GFM1: variants seen among roughly 807,000 people sequenced by gnomAD.
GFM1 encodes the protein G elongation factor mitochondrial 1.
In GFM1, 62 loss-of-function variants were observed where a neutral mutation model predicts 96.2. The observed-to-expected ratio is 0.64, with a 90% CI of 0.53 to 0.80. GFM1 has a LOEUF of 0.80. Ranked by LOEUF, GFM1 falls within the 30% of genes least tolerant of loss-of-function variation. GFM1 has a pLI of 0.00. For synonymous variants in GFM1, 282 were observed against 312.9 expected (o/e 0.90, Z 1.04); for missense variants, 852 against 916.6 (o/e 0.93, Z 0.91).
intron 13 of GFM1, among the ~76,000 whole-genome samples, chr3:158,673,509 T>TTTC (rs1449743011): frequency 1.2e-5 from 1 of 81,492 alleles, no homozygotes; most frequent in African/African-American, 6.8e-5. Flanking sequence ...TTTTCTTTTC[T>TTTC]TTTTTTTTTT....
intron 13 of GFM1, among the ~76,000 whole-genome samples, chr3:158,680,186 T>G (rs1036283755): frequency 1.3e-5 from 2 of 152,116 alleles, no homozygotes; most frequent in African/African-American, 4.8e-5. Flanking sequence ...TGGGTACAGG[T>G]GTAGTTTTGT....
At chr3:158,662,587 T>G in intron 10 of GFM1, 41 bp from the exon 11 acceptor site, 1 of 1,220,114 alleles carries the variant, frequency 8.2e-7, no homozygotes, top group Non-Finnish European at 1.2e-6. Context: ...CATATGGGTC[T>G]GTTTTTTAAT....
intron 11 of GFM1, 59 bp from the exon 12 acceptor site, chr3:158,665,278 A>T (rs1376969191): frequency 1.5e-6 from 2 of 1,350,724 alleles, no homozygotes; most frequent in East Asian, 4.6e-5. Context: ...GTTTTTTCTA[A>T]AATCCCATTG....
In GFM1 at chr3:158,654,436, A is replaced by G. The variant is rs553181433; in HGVS notation, c.999-111A>G. On this transcript the variant is annotated intron_variant, in intron 7 of 17. Coordinates refer to ENST00000486715, the MANE Select transcript of GFM1 (RefSeq NM_024996.7). ...AATTTTACTTATGTGTGACAGCAGT[A>G]ATATCCCACACACGTGCTTTTTCTC... The G allele has an allele frequency of 1.4e-5, 10 of 691,272 alleles. No individual in the cohort carries two copies. The South Asian group carries it at 1.7e-4, about 12-fold the overall frequency. The allele number at this position is 691,272 out of a possible 1,614,324, so 42.8% of individuals were successfully genotyped here.
At chr3:158,648,678 CAAAAAAAAAAA>C (rs9331287) in intron 4 of GFM1, among the ~76,000 whole-genome samples, 2 of 102,784 alleles carry the variant, frequency 1.9e-5, no homozygotes, top group South Asian at 3.2e-4. Flanking sequence ...ACTCTTGTCT[CAAAAAAAAAAA>C]AAAAAAAAAA....
intron 5 of GFM1, 52 bp downstream of exon 5, chr3:158,649,209 A>G: frequency 2.5e-6 from 2 of 796,006 alleles, no homozygotes; most frequent in Non-Finnish European, 4.4e-6. Context: ...AAGCATTAAA[A>G]AGAAGGAAAG....
At chr3:158,671,154 G>A in intron 13 of GFM1, 1 of 1,199,668 alleles carries the variant, frequency 8.3e-7, no homozygotes, top group Non-Finnish European at 1.1e-6. Flanking sequence ...TCTTGAAAAA[G>A]GCATGTCACC....
intron 4 of GFM1, 69 bp downstream of exon 4, chr3:158,647,016 G>A: frequency 1.7e-6 from 2 of 1,207,754 alleles, no homozygotes; most frequent in Non-Finnish European, 2.5e-6. Context: ...CCAAAAGGGT[G>A]ATTAATTCAC....
chr3:158,648,406 C>T (rs6781894), intron 4 of GFM1, among the ~76,000 whole-genome samples: 2,452 of 152,154 alleles, frequency 0.016, 53 homozygotes, highest in African/African-American at 0.057. Flanking sequence ...GGGCCGGGCG[C>T]GGTGGCTCAC....
intron 13 of GFM1, chr3:158,666,806 G>C: frequency 6.6e-7 from 1 of 1,514,844 alleles, no homozygotes; most frequent in African/African-American, 1.4e-5. Context: ...AAACGTAGTT[G>C]GGTTTATGTT....
intron 6 of GFM1, 95 bp from the exon 7 acceptor site, chr3:158,653,215 G>A (rs890539289): frequency 1.0e-6 from 1 of 980,572 alleles, no homozygotes; most frequent in African/African-American, 1.6e-5. Context: ...CCAAAGAGTA[G>A]AGTATCAGTT....
intron 13 of GFM1, chr3:158,666,772 A>T (rs1384312100): frequency 6.3e-7 from 1 of 1,587,552 alleles, no homozygotes; most frequent in East Asian, 2.2e-5. Flanking sequence ...TAATGCCATG[A>T]TAAAATTCAG....
chr3:158,659,067 C>G lies in GFM1; in HGVS notation c.1221+8C>G. 1.2e-6 allele frequency: 2 copies of G among 1,614,082 alleles called. No homozygotes were observed. The highest frequency in any genetic ancestry group is 2.2e-5 in the South Asian group (2 of 91,082). The stretch of plus-strand genomic sequence containing the variant: ...CATGCCGACATGATGGAGGCAAGTA[C>G]AGAGTCATTGTGAGATTAGAAATTC... On this transcript the variant is annotated splice_region_variant and intron_variant, in intron 9 of 17. Transcript: ENST00000486715.
intron 15 of GFM1, among the ~76,000 whole-genome samples, chr3:158,689,275 T>G (rs905028712): frequency 3.3e-5 from 5 of 152,224 alleles, no homozygotes; most frequent in African/African-American, 1.2e-4. Flanking sequence ...TGGCCCAATC[T>G]AGTCCGGAAT....
At position 158,644,703 on chromosome 3, in the gene GFM1, G is replaced by A. The variant is rs763344414; in HGVS notation, c.69G>A (p.Trp23Ter). ...GRGRAPASLG[W>*]QRKQVNWKAC... The stretch of plus-strand genomic sequence containing the variant: ...GAAGGGCCCCCGCCTCCCTAGGCTG[G>A]CAGAGGAAGCAGGTACCGGAGCATA... Residue 23 changes from tryptophan (W) to a stop codon, truncating the protein, a stop_gained, in exon 1 of 18, where the codon TGG becomes TGA. Coordinates refer to ENST00000486715, the MANE Select transcript of GFM1 (RefSeq NM_024996.7). LOFTEE classifies it high-confidence loss of function. 2.5e-6 allele frequency: 4 copies of A among 1,576,016 alleles called. No individual in the cohort carries two copies. The highest frequency in any genetic ancestry group is 1.7e-4 in the Middle Eastern group (1 of 6,036).
intron 10 of GFM1, among the ~76,000 whole-genome samples, chr3:158,661,439 A>G (rs16829266): frequency 0.015 from 2,216 of 152,342 alleles, 44 homozygotes; most frequent in African/African-American, 0.051. Flanking sequence ...TGTAACATTT[A>G]GACTAGACTT....
chr3:158,672,511 A>G (rs756975459), intron 13 of GFM1: 9 of 1,612,060 alleles, frequency 5.6e-6, no homozygotes, highest in Non-Finnish European at 7.6e-6. Context: ...GGCTTGGGCT[A>G]CTCTGGCTTA....
rs1188585511 is a variant in GFM1 at position 158,694,807 on chromosome 3, A to T, written c.*3340A>T. ...AATTCGTAATTCAGGTAGGAAGAAA[A>T]TGAAAGTATGAATAAAATAAAATGG... On this transcript the variant is annotated 3_prime_UTR_variant, in exon 18 of 18. Transcript: ENST00000486715. Among the ~76,000 whole-genome samples the T allele has an allele frequency of 6.6e-6, 1 of 152,250 alleles. No homozygotes were observed. Among genetic ancestry groups the T allele is most frequent in the African/African-American group, 2.4e-5 (1 of 41,464 alleles).
At chr3:158,687,572 A>G (rs984564657) in intron 15 of GFM1, among the ~76,000 whole-genome samples, 38 of 152,050 alleles carry the variant, frequency 2.5e-4, no homozygotes, top group African/African-American at 8.9e-4. Context: ...GGTTCAAGCA[A>G]TTCTCCTGCC....
Sources: gnomAD v4.1 joint callset for allele counts (sites outside exome capture counted in the v4.1 genomes callset) on GRCh38, gnomAD v4.1.1 for gene constraint, MANE v1.5 for transcripts, NCBI Gene and HGNC (gene_info 2026-07-23, HGNC 2026-07-21) for gene names.